PRELID2: variants seen among roughly 807,000 people sequenced by gnomAD.
The protein encoded by PRELID2 is PRELI domain containing 2, also known as PRELI domain-containing protein 2.
PRELID2 carries 25 observed loss-of-function variants against 28.4 expected under a neutral mutation model. The observed-to-expected ratio is 0.88, with a 90% confidence interval of 0.64 to 1.23. The LOEUF is 1.23. PRELID2 is among the 50% of genes most tolerant of loss of function. The pLI, the probability that PRELID2 is intolerant of heterozygous loss-of-function variation, is 0.00. For synonymous variants in PRELID2, 76 were observed against 71.6 expected (o/e 1.06, Z -0.31); for missense variants, 201 against 214.4 (o/e 0.94, Z 0.39).
At chr5:145,417,505 T>C in the PRELID2 span, among the ~76,000 whole-genome samples, 2 of 152,142 alleles carry the variant, frequency 1.3e-5, no homozygotes, top group Non-Finnish European at 2.9e-5. Context: ...CTCAATAAAA[T>C]ACTGGCACAC....
chr5:145,394,358 T>C, the PRELID2 span, among the ~76,000 whole-genome samples: 1 of 143,520 alleles, frequency 7.0e-6, no homozygotes, highest in African/African-American at 2.6e-5. Context: ...CTGCATGTTC[T>C]CACTCATAGG....
chr5:145,605,525 G>T (rs982002356), intron 1 of PRELID2, among the ~76,000 whole-genome samples: 24 of 151,928 alleles, frequency 1.6e-4, no homozygotes, highest in Non-Finnish European at 3.2e-4. Context: ...CTGTTCTATT[G>T]GTCTATGTGT....
intron 1 of PRELID2, among the ~76,000 whole-genome samples, chr5:145,687,703 AT>A (rs1171362381): frequency 1.3e-5 from 2 of 152,130 alleles, no homozygotes; most frequent in African/African-American, 2.4e-5. Flanking sequence ...ATGCTCAATG[AT>A]TTTTTTAATG....
chr5:145,798,593 A>C (rs976057052), intron 4 of PRELID2, among the ~76,000 whole-genome samples: 5 of 152,238 alleles, frequency 3.3e-5, no homozygotes, highest in African/African-American at 1.2e-4. Context: ...TTGCAGCACT[A>C]TTCACAATAG....
intron 1 of PRELID2, among the ~76,000 whole-genome samples, chr5:145,832,947 T>G (rs1398097493): frequency 3.3e-5 from 5 of 152,190 alleles, no homozygotes; most frequent in Non-Finnish European, 1.5e-5. Flanking sequence ...ACCATGTATT[T>G]TCCTTTCATA....
At chr5:145,809,149 A>C (rs1384412244) in intron 4 of PRELID2, among the ~76,000 whole-genome samples, 1 of 145,572 alleles carries the variant, frequency 6.9e-6, no homozygotes, top group African/African-American at 2.6e-5. Flanking sequence ...CAATTCTTCC[A>C]CCTCAGTCAG....
chr5:145,770,002 G>GA (rs1758005613), intron 5 of PRELID2, among the ~76,000 whole-genome samples: 1 of 152,194 alleles, frequency 6.6e-6, no homozygotes, highest in Admixed American at 6.5e-5. Flanking sequence ...TATAGGAGCT[G>GA]AAAAAATCCT....
chr5:145,347,928 G>A, the PRELID2 span, among the ~76,000 whole-genome samples: 6 of 151,982 alleles, frequency 3.9e-5, no homozygotes, highest in Non-Finnish European at 7.4e-5. Context: ...AGGGAAAGAC[G>A]CTTTACCATT....
intron 1 of PRELID2, among the ~76,000 whole-genome samples, chr5:145,510,052 C>A (rs576246185): frequency 1.8e-4 from 28 of 152,254 alleles, no homozygotes; most frequent in Non-Finnish European, 3.7e-4. Flanking sequence ...ATCGGAACAC[C>A]TTTTTGTCCC....
intron 1 of PRELID2, among the ~76,000 whole-genome samples, chr5:145,698,929 G>A (rs1240655904): frequency 3.9e-5 from 6 of 152,152 alleles, no homozygotes; most frequent in Non-Finnish European, 7.3e-5. Context: ...GTTTCGCCAT[G>A]TTGGCCAGGC....
At chr5:145,229,661 C>T in the PRELID2 span, 3 of 809,258 alleles carry the variant, frequency 3.7e-6, no homozygotes, top group African/African-American at 3.3e-5. Flanking sequence ...AAGGTATCTA[C>T]CAGACCCCAG....
At chr5:145,734,939 G>T (rs900834610) in intron 1 of PRELID2, among the ~76,000 whole-genome samples, 1 of 152,104 alleles carries the variant, frequency 6.6e-6, no homozygotes, top group Admixed American at 6.6e-5. Flanking sequence ...TAACGGAAAT[G>T]TTTCATTTCA....
At chr5:145,323,292 AAACAC>A in the PRELID2 span, among the ~76,000 whole-genome samples, 1 of 152,164 alleles carries the variant, frequency 6.6e-6, no homozygotes, top group East Asian at 1.9e-4. Context: ...GAGTGGCCTC[AAACAC>A]AACTGGAAGG....
At chr5:145,263,382 T>G in the PRELID2 span, among the ~76,000 whole-genome samples, 83 of 152,172 alleles carry the variant, frequency 5.5e-4, no homozygotes, top group Non-Finnish European at 9.4e-4. Context: ...GCAGAATGTA[T>G]CTTATTTTCA....
At position 145,647,742 on chromosome 5, in the gene PRELID2, GCA is replaced by G. The variant is rs572110040; in HGVS notation, n.70+117187_70+117188del. Among the ~76,000 whole-genome samples the G allele has an allele frequency of 2.6e-5, 4 of 152,328 alleles. No individual in the cohort carries two copies. In the South Asian group the frequency reaches 6.2e-4, roughly 24 times the overall value. On this transcript the variant is annotated intron_variant and non_coding_transcript_variant, in intron 1 of 2. Coordinates refer to the PRELID2 transcript ENST00000510259. ...AAAAGTGCAGTATCTGGGCCAGAGTGCACAGTTTCTCAGGCTCAGTCCCTCAT... is the reference window on the plus strand; with the variant it reads ...AAAAGTGCAGTATCTGGGCCAGAGTGCAGTTTCTCAGGCTCAGTCCCTCAT...
chr5:145,248,159 A>G, the PRELID2 span, among the ~76,000 whole-genome samples: 4 of 152,098 alleles, frequency 2.6e-5, no homozygotes, highest in Non-Finnish European at 5.9e-5. Context: ...ACTGCTCAGG[A>G]TGTAACAGTA....
chr5:145,384,037 C>T, the PRELID2 span, among the ~76,000 whole-genome samples: 14 of 152,026 alleles, frequency 9.2e-5, no homozygotes, highest in African/African-American at 1.2e-4. Context: ...GGTATACTAA[C>T]GGCCAGTATG....
At chr5:145,588,313 T>C (rs10077242) in intron 1 of PRELID2, among the ~76,000 whole-genome samples, 2,491 of 152,220 alleles carry the variant, frequency 0.016, 78 homozygotes, top group African/African-American at 0.057. Flanking sequence ...GTTGCCCTAA[T>C]TCCTCCTGAG....
At chr5:145,652,582 T>G (rs1236289035) in intron 1 of PRELID2, among the ~76,000 whole-genome samples, 4 of 151,958 alleles carry the variant, frequency 2.6e-5, no homozygotes, top group Admixed American at 2.0e-4. Context: ...CAGAAGAGAG[T>G]GGGGGCCAAT....
Sources: allele counts gnomAD v4.1 joint callset (sites outside exome capture counted in the v4.1 genomes callset), GRCh38; gene constraint gnomAD v4.1.1; transcripts MANE v1.5; gene names NCBI Gene and HGNC (gene_info 2026-07-23, HGNC 2026-07-21).